The following SLC9D1 variants were observed in gnomAD, a reference collection of about 807,000 sequenced individuals.
The protein encoded by SLC9D1 is solute carrier family 9 member D1.
the SLC9D1 span, chr13:113,539,626 T>A: frequency 9.3e-7 from 1 of 1,078,954 alleles, no homozygotes; most frequent in Non-Finnish European, 1.3e-6. This position sits in a 1 kb window ranked among gnomAD's most constrained non-coding sequence, Gnocchi z 4.8. Flanking sequence ...AAATTAAGTG[T>A]ATTCAGCATA....
chr13:113,536,523 T>G, the SLC9D1 span: 17 of 972,776 alleles, frequency 1.7e-5, no homozygotes, highest in Non-Finnish European at 2.0e-5. Flanking sequence ...CATTCCAGAG[T>G]ATTTTTCTCT....
chr13:113,548,316 C>T, the SLC9D1 span: 26 of 1,613,900 alleles, frequency 1.6e-5, no homozygotes, highest in African/African-American at 2.7e-5. Context: ...CTCCTGGCGG[C>T]GCTGGTCCTG....
the SLC9D1 span, chr13:113,548,448 G>T: frequency 6.2e-7 from 1 of 1,605,228 alleles, no homozygotes; most frequent in Non-Finnish European, 8.5e-7. Context: ...GTCATCTCTC[G>T]GGAGGTGAGT....
chr13:113,549,482 T>C, the SLC9D1 span: 1 of 1,614,044 alleles, frequency 6.2e-7, no homozygotes, highest in Non-Finnish European at 8.5e-7. Context: ...CCCGGTGCTG[T>C]GGAGAGCTGC....
the SLC9D1 span, chr13:113,539,521 T>C: frequency 6.2e-7 from 1 of 1,609,886 alleles, no homozygotes; most frequent in South Asian, 1.1e-5. This position sits in a 1 kb window ranked among gnomAD's most constrained non-coding sequence, Gnocchi z 4.8. Flanking sequence ...ATCTTCCTTC[T>C]TTACATTATG....
At chr13:113,499,366 G>C in the SLC9D1 span, among the ~76,000 whole-genome samples, 1 of 152,156 alleles carries the variant, frequency 6.6e-6, no homozygotes, top group Non-Finnish European at 1.5e-5. Context: ...GACTAAGAAT[G>C]CCTGTCCCGG....
At chr13:113,538,425 C>T in the SLC9D1 span, among the ~76,000 whole-genome samples, 6 of 152,218 alleles carry the variant, frequency 3.9e-5, no homozygotes, top group Non-Finnish European at 7.3e-5. Context: ...TGGCTCTATT[C>T]GTGCTCTTTC....
At chr13:113,550,215 A>T in the SLC9D1 span, 22 of 152,184 alleles carry the variant, frequency 1.4e-4, no homozygotes, top group African/African-American at 5.3e-4. Context: ...ATTTATTAAA[A>T]TCTGTTTTTA....
chr13:113,533,972 T>C, the SLC9D1 span: 2 of 1,190,658 alleles, frequency 1.7e-6, no homozygotes, highest in Non-Finnish European at 2.4e-6. Flanking sequence ...AGAAAAAAAC[T>C]GAAAGATTAT....
the SLC9D1 span, among the ~76,000 whole-genome samples, chr13:113,515,570 A>G: frequency 2.6e-5 from 4 of 152,134 alleles, no homozygotes; most frequent in African/African-American, 9.7e-5. Context: ...TTCTTGATCC[A>G]AAGTATTTTA....
chr13:113,546,423 C>T, the SLC9D1 span, among the ~76,000 whole-genome samples: 1 of 151,894 alleles, frequency 6.6e-6, no homozygotes, highest in Non-Finnish European at 1.5e-5. The surrounding 1 kb of genome is among the most constrained non-coding windows in gnomAD (Gnocchi z 7.1). Flanking sequence ...GCTCTGAGAC[C>T]CAGACCCAGG....
chr13:113,523,145 T>A, the SLC9D1 span, among the ~76,000 whole-genome samples: 2 of 151,692 alleles, frequency 1.3e-5, no homozygotes, highest in Admixed American at 1.3e-4. Context: ...TCTTTGGGTT[T>A]TGGTAATAAA....
chr13:113,498,321 TC>T, the SLC9D1 span: 1 of 1,503,098 alleles, frequency 6.7e-7, no homozygotes, highest in African/African-American at 1.4e-5. Context: ...ATCTCACTCT[TC>T]TTTTCTTACA....
the SLC9D1 span, among the ~76,000 whole-genome samples, chr13:113,513,178 G>T: frequency 6.6e-6 from 1 of 152,296 alleles, no homozygotes; most frequent in South Asian, 2.1e-4. Context: ...CGTCTCCTCG[G>T]CAACGTCAGA....
chr13:113,529,142 A>G, the SLC9D1 span: 1 of 152,216 alleles, frequency 6.6e-6, no homozygotes, highest in Non-Finnish European at 1.5e-5. Context: ...ACACTTTTAA[A>G]GCTTTTTTTT....
the SLC9D1 span, chr13:113,534,104 C>G: frequency 4.3e-6 from 7 of 1,612,654 alleles, no homozygotes; most frequent in South Asian, 6.6e-5. Flanking sequence ...TTTTCACTAG[C>G]GGCGGTTTTT....
chr13:113,492,218 C>T, the SLC9D1 span, among the ~76,000 whole-genome samples: 4 of 152,210 alleles, frequency 2.6e-5, no homozygotes, highest in South Asian at 4.1e-4. Flanking sequence ...TCAAGCAGTT[C>T]GCCCACCTCA....
chr13:113,510,533 C>A, the SLC9D1 span: 1 of 996,708 alleles, frequency 1.0e-6, no homozygotes. Context: ...TCTTATTTCC[C>A]CTCTTAGGAC....
chr13:113,502,199 A>G, the SLC9D1 span, among the ~76,000 whole-genome samples: 1 of 152,096 alleles, frequency 6.6e-6, no homozygotes, highest in Non-Finnish European at 1.5e-5. Context: ...TGTTGCATTA[A>G]CCGTTTTTGT....
Sources: gnomAD v4.1 joint callset for allele counts (sites outside exome capture counted in the v4.1 genomes callset) on GRCh38, gnomAD v4.1.1 for gene constraint, Gnocchi (gnomAD v3.1) non-coding constraint, MANE v1.5 for transcripts, NCBI Gene and HGNC (gene_info 2026-07-23, HGNC 2026-07-21) for gene names.